Variants in AUTS2 observed in about 807,000 individuals in gnomAD.
AUTS2 encodes the protein activator of transcription and developmental regulator AUTS2.
AUTS2 carries 17 observed loss-of-function variants against 112.4 expected under a neutral mutation model. The observed-to-expected ratio is 0.15, with a 90% CI of 0.10 to 0.23. AUTS2 has a LOEUF of 0.23. AUTS2 is among the 10% of genes least tolerant of loss of function. The probability of loss-of-function intolerance (pLI) is 1.00; values close to 1 mark genes in which losing one functional copy is unlikely to be tolerated. For synonymous variants in AUTS2, 751 were observed against 702.7 expected (o/e 1.07, Z -1.09); for missense variants, 1,510 against 1,701.6 (o/e 0.89, Z 1.98).
intron 1 of AUTS2, among the ~76,000 whole-genome samples, chr7:69,801,878 CCAGGAAA>C (rs1287735559): frequency 6.6e-5 from 10 of 151,970 alleles, no homozygotes; most frequent in African/African-American, 2.4e-4. Flanking sequence ...GGAAAGGGGG[CCAGGAAA>C]TGATGTGATG....
chr7:70,333,534 A>G (rs1790853009), intron 4 of AUTS2, among the ~76,000 whole-genome samples: 3 of 152,218 alleles, frequency 2.0e-5, no homozygotes, highest in Admixed American at 1.3e-4. Flanking sequence ...ACTGTTCACA[A>G]TAGCAAAGAC....
At chr7:69,831,452 C>G (rs1791496820) in intron 1 of AUTS2, among the ~76,000 whole-genome samples, 1 of 152,022 alleles carries the variant, frequency 6.6e-6, no homozygotes, top group African/African-American at 2.4e-5. Context: ...AGTGGACTTA[C>G]TGCTGCCAGT....
chr7:70,723,955 C>G (rs1384720269), intron 6 of AUTS2, among the ~76,000 whole-genome samples: 1 of 151,528 alleles, frequency 6.6e-6, no homozygotes, highest in Non-Finnish European at 1.5e-5. Flanking sequence ...TGCAGTGGTG[C>G]GATCACCACT....
At chr7:70,610,185 G>A (rs1289570183) in intron 5 of AUTS2, among the ~76,000 whole-genome samples, 1 of 152,058 alleles carries the variant, frequency 6.6e-6, no homozygotes, top group Non-Finnish European at 1.5e-5. Context: ...TTTAAGTAGA[G>A]ACAGGGTTTT....
At chr7:70,475,066 T>A (rs1311661820) in intron 5 of AUTS2, among the ~76,000 whole-genome samples, 1 of 152,218 alleles carries the variant, frequency 6.6e-6, no homozygotes, top group African/African-American at 2.4e-5. Flanking sequence ...GGTTTTGAAC[T>A]CCTGGATCTC....
intron 1 of AUTS2, chr7:69,825,922 C>T (rs758729635): frequency 6.6e-6 from 1 of 152,220 alleles, no homozygotes; most frequent in African/African-American, 2.4e-5. Context: ...CTTTAAGCAT[C>T]TAGTCCTTAT....
intron 4 of AUTS2, among the ~76,000 whole-genome samples, chr7:70,203,036 A>G (rs1286471594): frequency 8.4e-5 from 12 of 143,450 alleles, no homozygotes; most frequent in African/African-American, 2.9e-4. Context: ...ATGAGTTCAT[A>G]TCCTTTGTAG....
intron 5 of AUTS2, among the ~76,000 whole-genome samples, chr7:70,472,336 G>A (rs766707699): frequency 3.4e-5 from 5 of 148,378 alleles, no homozygotes; most frequent in Non-Finnish European, 7.4e-5. Flanking sequence ...TTTGTTTCTT[G>A]TTTGGGTTTT....
intron 6 of AUTS2, among the ~76,000 whole-genome samples, chr7:70,712,193 C>G (rs892301183): frequency 1.1e-4 from 5 of 45,084 alleles, no homozygotes; most frequent in Non-Finnish European, 1.9e-4. Flanking sequence ...GCCTGGCTCA[C>G]TTTTTTTTTT....
chr7:69,609,223 G>A (rs866555705), intron 1 of AUTS2, among the ~76,000 whole-genome samples: 15 of 152,254 alleles, frequency 9.9e-5, no homozygotes, highest in Middle Eastern at 3.4e-3. Flanking sequence ...CCCAAGGATT[G>A]GGAACCTTGG....
At chr7:70,412,295 A>G (rs1373400235) in intron 4 of AUTS2, among the ~76,000 whole-genome samples, 1 of 151,960 alleles carries the variant, frequency 6.6e-6, no homozygotes, top group Non-Finnish European at 1.5e-5. Flanking sequence ...AGACCAGGGT[A>G]GAAGTTCTTA....
chr7:69,711,901 A>G (rs1357657225), intron 1 of AUTS2, among the ~76,000 whole-genome samples: 2 of 152,216 alleles, frequency 1.3e-5, no homozygotes, highest in East Asian at 1.9e-4. Context: ...AAAATAATGT[A>G]TATGAAATGA....
At chr7:70,669,140 C>T (rs1807503920) in intron 5 of AUTS2, among the ~76,000 whole-genome samples, 1 of 152,220 alleles carries the variant, frequency 6.6e-6, no homozygotes, top group Non-Finnish European at 1.5e-5. Flanking sequence ...GGCTAAAACA[C>T]ACCCGAACAG....
intron 5 of AUTS2, among the ~76,000 whole-genome samples, chr7:70,616,755 T>C (rs1206990506): frequency 7.5e-6 from 1 of 133,574 alleles, no homozygotes; most frequent in Non-Finnish European, 1.5e-5. Flanking sequence ...GTCGAATAGT[T>C]TTTTTTTTTT....
At chr7:69,953,673 CTCTTTGGGTACAT>C (rs1797111777) in intron 2 of AUTS2, among the ~76,000 whole-genome samples, 1 of 152,178 alleles carries the variant, frequency 6.6e-6, no homozygotes, top group Non-Finnish European at 1.5e-5. Context: ...GATACTAGAA[CTCTTTGGGTACAT>C]AAGCCGTTAG....
In AUTS2 at chr7:70,790,553, G is replaced by T. The variant is rs1340203182; in HGVS notation, c.3337G>T (p.Asp1113Tyr). ...RLSTPRLYEA[D>Y]RSFRDREPHD... ...CTCGACTCCCCGGCTGTACGAAGCC[G>T]ACCGCTCCTTCAGGGACCGGGAGCC... Residue 1113 changes from aspartate to tyrosine, a missense_variant, in exon 19 of 19, where the codon GAC becomes TAC. Asp to Tyr is a radical substitution (Grantham distance 160). This residue lies in a region of AUTS2 where 788 missense variants were observed against 797.6 expected (regional missense o/e 0.99). Transcript: ENST00000342771. The surrounding 1 kb of genome is among the most constrained non-coding windows in gnomAD (Gnocchi z 7.6). The T allele has an allele frequency of 1.9e-6, 3 of 1,604,474 alleles. No individual in the cohort carries two copies. Among genetic ancestry groups the T allele is most frequent in the Non-Finnish European group, 2.6e-6 (3 of 1,176,084 alleles).
intron 5 of AUTS2, among the ~76,000 whole-genome samples, chr7:70,684,145 A>G (rs1199422330): frequency 5.3e-5 from 8 of 152,186 alleles, no homozygotes; most frequent in Admixed American, 5.2e-4. Context: ...AAAAAAAAAA[A>G]AAGCTTTGTT....
intron 5 of AUTS2, among the ~76,000 whole-genome samples, chr7:70,542,317 A>C (rs771681524): frequency 2.0e-5 from 3 of 152,200 alleles, no homozygotes; most frequent in Non-Finnish European, 4.4e-5. Flanking sequence ...TGGTTAACGT[A>C]GTAGGTTAGT....
chr7:70,217,040 A>G (rs1288196519), intron 4 of AUTS2, among the ~76,000 whole-genome samples: 1 of 152,100 alleles, frequency 6.6e-6, no homozygotes, highest in Non-Finnish European at 1.5e-5. Context: ...GGGACGTCTT[A>G]CATAGGCGTA....
Sources: gnomAD v4.1 joint callset for allele counts (sites outside exome capture counted in the v4.1 genomes callset) on GRCh38, gnomAD v4.1.1 for gene constraint, gnomAD v4.1.1 regional missense constraint, Gnocchi (gnomAD v3.1) non-coding constraint, MANE v1.5 for transcripts, NCBI Gene and HGNC (gene_info 2026-07-23, HGNC 2026-07-21) for gene names.